Variants in KIAA0586 observed in about 807,000 individuals in gnomAD.
KIAA0586 encodes the protein KIAA0586, also known as protein TALPID3.
A neutral mutation model predicts 169.8 loss-of-function variants in KIAA0586; 144 were observed. That is an observed-to-expected ratio of 0.85 (90% confidence interval 0.74 to 0.97). The LOEUF is 0.97. KIAA0586 is among the 50% of genes least tolerant of loss of function. The pLI, the probability that KIAA0586 is intolerant of heterozygous loss-of-function variation, is 0.00. For synonymous variants in KIAA0586, 625 were observed against 612.4 expected, an observed-to-expected ratio of 1.02 and a Z score of -0.30; for missense variants, 1,854 against 1,823.0, an observed-to-expected ratio of 1.02 and a Z score of -0.31.
chr14:58,468,630 C>CTT (rs1413288182), intron 16 of KIAA0586, among the ~76,000 whole-genome samples: 6 of 152,192 alleles, frequency 3.9e-5, no homozygotes, highest in African/African-American at 9.6e-5. Flanking sequence ...ATTTCACAAA[C>CTT]ATCTACCCTT....
chr14:58,458,429 A>G (rs368741747), intron 11 of KIAA0586, 44 bp from the exon 12 acceptor site: 84 of 1,043,472 alleles, frequency 8.1e-5, no homozygotes, highest in Non-Finnish European at 1.0e-4. Flanking sequence ...CCTGCTCAGG[A>G]CAGTAAGTGC....
At chr14:58,463,516 G>A (rs2040496035) in intron 14 of KIAA0586, among the ~76,000 whole-genome samples, 1 of 152,052 alleles carries the variant, frequency 6.6e-6, no homozygotes, top group African/African-American at 2.4e-5. Context: ...TCTTCCTGGG[G>A]TCATAAACAA....
chr14:58,492,260 A>G lies in KIAA0586; in HGVS notation c.3975A>G (p.Ala1325=). The part of the protein sequence containing the change: ...QNQESAVSQQ[A]VYHSEDLENS... ...AGGAGTCAGCAGTTTCCCAGCAAGC[A>G]GTCTATCATTCAGAGGTACTTTTTA... Residue 1325 remains alanine (A), a synonymous_variant, in exon 26 of 31, where the codon GCA becomes GCG. Coordinates refer to ENST00000652326, the MANE Select transcript of KIAA0586 (RefSeq NM_001329943.3). The G allele has an allele frequency of 6.5e-7, 1 of 1,550,246 alleles. No individual in the cohort carries two copies. The highest frequency in any genetic ancestry group is 1.4e-5 in the African/African-American group (1 of 73,110).
chr14:58,530,779 T>C (rs1056952170), intron 29 of KIAA0586, among the ~76,000 whole-genome samples: 11 of 152,172 alleles, frequency 7.2e-5, no homozygotes, highest in African/African-American at 2.7e-4. Flanking sequence ...GACATAGGCA[T>C]GGGCAAAGAC....
At chr14:58,475,970 C>T (rs2041586459) in intron 19 of KIAA0586, among the ~76,000 whole-genome samples, 1 of 152,096 alleles carries the variant, frequency 6.6e-6, no homozygotes, top group Admixed American at 6.5e-5. Context: ...CGATGGTGCA[C>T]ACCTGTGGTC....
intron 30 of KIAA0586, among the ~76,000 whole-genome samples, chr14:58,547,520 G>T (rs1488004846): frequency 6.6e-6 from 1 of 152,030 alleles, no homozygotes; most frequent in Non-Finnish European, 1.5e-5. Flanking sequence ...ATCTTACTTA[G>T]CATTTATCAT....
chr14:58,548,082 G>T lies in KIAA0586; in HGVS notation c.*150G>T. The T allele has an allele frequency of 1.1e-6, 1 of 943,786 alleles. No individual in the cohort carries two copies. Among genetic ancestry groups the T allele is most frequent in the African/African-American group, 1.7e-5 (1 of 59,856 alleles). 58.5% of individuals were successfully genotyped at this position (943,786 alleles called of 1,614,324 possible). A position where few individuals can be genotyped will look rare whatever the true frequency, so the allele number is the denominator to read the frequency against. ...TAAAATAAAACAAAAAGCATAATTT[G>T]GGTATTTAAAGTTTTTAAATAAAAT... On this transcript the variant is annotated 3_prime_UTR_variant, in exon 31 of 31. Transcript: ENST00000652326.
intron 11 of KIAA0586, 48 bp from the exon 12 acceptor site, chr14:58,458,425 C>G: frequency 3.0e-6 from 3 of 1,006,052 alleles, no homozygotes; most frequent in Non-Finnish European, 4.5e-6. Flanking sequence ...AAGTCCTGCT[C>G]AGGACAGTAA....
downstream of KIAA0586, among the ~76,000 whole-genome samples, chr14:58,554,817 G>A (rs562882296): frequency 1.3e-4 from 20 of 152,236 alleles, 1 homozygote; most frequent in Admixed American, 9.2e-4. Flanking sequence ...CTCATGGACC[G>A]TATGAAAAGA....
chr14:58,554,088 C>T (rs1328852368), downstream of KIAA0586, among the ~76,000 whole-genome samples: 2 of 152,058 alleles, frequency 1.3e-5, no homozygotes, highest in Admixed American at 6.6e-5. Context: ...TAGCCCAAGT[C>T]CATTTATGTG....
chr14:58,477,609 A>G (rs540739761), intron 20 of KIAA0586, among the ~76,000 whole-genome samples: 13 of 152,294 alleles, frequency 8.5e-5, no homozygotes, highest in African/African-American at 2.9e-4. Flanking sequence ...TTTTGTGCCT[A>G]GTCCTTGCCT....
chr14:58,537,555 G>A (rs2140074169), intron 29 of KIAA0586, among the ~76,000 whole-genome samples: 1 of 152,314 alleles, frequency 6.6e-6, no homozygotes, highest in Non-Finnish European at 1.5e-5. Context: ...GGACCAAGCA[G>A]TAATAATTTC....
intron 21 of KIAA0586, 58 bp downstream of exon 21, chr14:58,482,770 T>C: frequency 8.6e-7 from 1 of 1,165,706 alleles, no homozygotes; most frequent in Non-Finnish European, 1.2e-6. Context: ...AATTTTAAGC[T>C]GCATACCATA....
At chr14:58,453,654 T>C (rs1362087959) in intron 9 of KIAA0586, among the ~76,000 whole-genome samples, 181 bp downstream of exon 9, 1 of 152,196 alleles carries the variant, frequency 6.6e-6, no homozygotes, top group Non-Finnish European at 1.5e-5. Flanking sequence ...GAAATGAATA[T>C]CTCATTTTTT....
At chr14:58,476,058 A>G (rs1310462006) in intron 19 of KIAA0586, among the ~76,000 whole-genome samples, 1 of 152,238 alleles carries the variant, frequency 6.6e-6, no homozygotes, top group Non-Finnish European at 1.5e-5. Flanking sequence ...AGACTGTGCC[A>G]CTGCACTCCA....
At chr14:58,520,257 C>G (rs1391585264) in intron 29 of KIAA0586, among the ~76,000 whole-genome samples, 3 of 152,094 alleles carry the variant, frequency 2.0e-5, no homozygotes, top group Non-Finnish European at 4.4e-5. Flanking sequence ...TTAGTATATG[C>G]AAAAAGTTGC....
intron 18 of KIAA0586, among the ~76,000 whole-genome samples, chr14:58,472,571 C>T (rs2041310213): frequency 6.6e-6 from 1 of 151,656 alleles, no homozygotes; most frequent in Non-Finnish European, 1.5e-5. Flanking sequence ...TCTTTTCCTC[C>T]AATTTGTCTT....
At chr14:58,494,094 T>C (rs1268011019) in intron 26 of KIAA0586, among the ~76,000 whole-genome samples, 1 of 152,056 alleles carries the variant, frequency 6.6e-6, no homozygotes, top group African/African-American at 2.4e-5. Flanking sequence ...TCTTCATTCT[T>C]TCTTTCTCTT....
At chr14:58,499,782 C>A (rs978545266) in intron 27 of KIAA0586, among the ~76,000 whole-genome samples, 44 of 152,134 alleles carry the variant, frequency 2.9e-4, no homozygotes, top group Admixed American at 2.7e-3. Context: ...TGGTCTCGAA[C>A]TCCTGACCTC....
Sources: gnomAD v4.1 joint callset for allele counts (sites outside exome capture counted in the v4.1 genomes callset) on GRCh38, gnomAD v4.1.1 for gene constraint, MANE v1.5 for transcripts, NCBI Gene and HGNC (gene_info 2026-07-23, HGNC 2026-07-21) for gene names.